Variants in NOA1 observed in about 807,000 individuals in gnomAD.
The protein encoded by NOA1 is nitric oxide-associated protein 1.
Under a neutral mutation model 58.4 loss-of-function variants are expected in NOA1, and 35 were observed. The ratio of observed to expected loss-of-function variants is 0.60; its 90% CI spans 0.46 to 0.79. NOA1 has a LOEUF of 0.79. NOA1 is among the 30% of genes least tolerant of loss of function. The pLI is 0.00. For synonymous variants in NOA1, 397 were observed against 373.4 expected (o/e 1.06, Z -0.73); for missense variants, 895 against 894.6 (o/e 1.00, Z -0.01).
chr4:56,977,355 G>GTA lies in NOA1; in HGVS notation c.229_230dup (p.Ile78ThrfsTer63). 2 of 1,614,218 alleles carry GTA rather than the reference G, an allele frequency of 1.2e-6. No homozygotes were observed. The highest frequency in any genetic ancestry group is 1.7e-6 in the Non-Finnish European group (2 of 1,180,044). The stretch of plus-strand genomic sequence containing the variant: ...TGGGTTGCGGCTCCGGATCCAGGAT[G>GTA]TACTCCGGGAACAGAAAACGCTCCT... On this transcript the variant is annotated frameshift_variant, in exon 1 of 7. Transcript: ENST00000264230. LOFTEE classifies it high-confidence loss of function.
Position 56,977,349 on chromosome 4 carries a change from C to T in NOA1, c.237G>A (p.Leu79=), listed in dbSNP as rs1560466707. 6.2e-7 allele frequency: 1 copy of T among 1,614,214 alleles called. No individual in the cohort carries two copies. Residue 79 remains leucine, a synonymous_variant, in exon 1 of 7, where the codon CTG becomes CTA. Transcript: ENST00000264230. ...QERFLFPEYI[L]DPEPQPTREK... ...CGCGGGTGGGTTGCGGCTCCGGATC[C>T]AGGATGTACTCCGGGAACAGAAAAC...
rs1418886735 is a variant in NOA1, at chr4:56,976,542, G to A, written c.1044C>T (p.Asn348=). ...TGTTAAAGAGAGTGGATTTGCCGGC[G>A]TTGGTGGCGCCCACTAAGTAGACGT... ...RGDVYLVGAT[N]AGKSTLFNTL... Residue 348 remains asparagine, a synonymous_variant, in exon 1 of 7, where the codon AAC becomes AAT. Transcript: ENST00000264230. 1.2e-6 allele frequency: 2 copies of A among 1,614,242 alleles called. No individual in the cohort carries two copies. Among genetic ancestry groups the A allele is most frequent in the Admixed American group, 1.7e-5 (1 of 60,028 alleles).
At chr4:56,971,340 AAG>A (rs1301777416) in intron 3 of NOA1, among the ~76,000 whole-genome samples, 26 of 145,338 alleles carry the variant, frequency 1.8e-4, no homozygotes, top group African/African-American at 6.2e-4. Context: ...AAAAAAAAAA[AAG>A]TATGGTGGGG....
At chr4:56,968,350 A>C (rs1199539900) in intron 4 of NOA1, 34 bp downstream of exon 4, 2 of 1,592,342 alleles carry the variant, frequency 1.3e-6, no homozygotes, top group Non-Finnish European at 8.5e-7. Flanking sequence ...CCAATATTTT[A>C]AAATCATTTT....
chr4:56,971,309 C>A (rs1382507259), intron 3 of NOA1, among the ~76,000 whole-genome samples: 3 of 109,644 alleles, frequency 2.7e-5, no homozygotes, highest in Non-Finnish European at 5.3e-5. Context: ...GAGTCAGACT[C>A]CATCTCAAAA....
rs543595209 is a variant in NOA1 at position 56,963,358 on chromosome 4, G to A, written c.*92C>T. 1.8e-6 allele frequency: 2 copies of A among 1,100,070 alleles called. No homozygotes were observed. The highest frequency in any genetic ancestry group is 3.2e-5 in the African/African-American group (2 of 63,114). The allele number at this position is 1,100,070 out of a possible 1,614,324, so 68.1% of individuals were successfully genotyped here. Reference sequence around the variant, plus strand: ...AAAAAAGAAAAAAAGGGTAAGAATGGGAGCTTTATTTATGCGTTATATGTT... The same window carrying A: ...AAAAAAGAAAAAAAGGGTAAGAATGAGAGCTTTATTTATGCGTTATATGTT... On this transcript the variant is annotated 3_prime_UTR_variant, in exon 7 of 7. Coordinates refer to ENST00000264230, the MANE Select transcript of NOA1 (RefSeq NM_032313.4).
chr4:56,965,659 G>C (rs1265401472), intron 5 of NOA1, among the ~76,000 whole-genome samples: 1 of 150,406 alleles, frequency 6.6e-6, no homozygotes, highest in Non-Finnish European at 1.5e-5. Context: ...AGGATGATGA[G>C]TTCGGGGAAC....
At chr4:56,970,962 T>C (rs1721800528) in intron 3 of NOA1, among the ~76,000 whole-genome samples, 1 of 152,198 alleles carries the variant, frequency 6.6e-6, no homozygotes, top group African/African-American at 2.4e-5. Context: ...GACACAACTA[T>C]TTAATAGAGG....
At chr4:56,965,782 T>C (rs1721691741) in intron 5 of NOA1, among the ~76,000 whole-genome samples, 1 of 151,236 alleles carries the variant, frequency 6.6e-6, no homozygotes, top group Non-Finnish European at 1.5e-5. Context: ...ATGTCACTAT[T>C]GGGCACTCAA....
chr4:56,976,406 C>G lies in NOA1; in HGVS notation c.1144+36G>C, dbSNP rs752647804. ...CGGCCAGGACCAGACGTCCACCTTG[C>G]CAGGAAACGAAGAGGGCGAGCCTCC... is the stretch of plus-strand genomic sequence containing the variant. On this transcript the variant is annotated intron_variant, in intron 1 of 6. Transcript: ENST00000264230. 91 of 1,574,926 alleles carry G rather than the reference C, an allele frequency of 5.8e-5. 1 individual carries two copies. The Middle Eastern group carries it at 8.6e-4, about 15-fold the overall frequency.
rs140387679 is a variant in NOA1 at position 56,970,523 on chromosome 4, C to T, written c.1516-2008G>A. Among the ~76,000 whole-genome samples, 5 of 151,454 alleles carry T rather than the reference C, an allele frequency of 3.3e-5. No individual in the cohort carries two copies. In the East Asian group the frequency reaches 8.0e-4, roughly 24 times the overall value. On this transcript the variant is annotated intron_variant, in intron 3 of 6. Transcript: ENST00000264230. ...AGGCTGGGCTGCAGTGGCATGATCTCGGCTCACTGCAACCTCTGCCTCCCA... is the reference window on the plus strand; with the variant it reads ...AGGCTGGGCTGCAGTGGCATGATCTTGGCTCACTGCAACCTCTGCCTCCCA...
intron 5 of NOA1, 91 bp downstream of exon 5, chr4:56,966,529 G>A: frequency 1.3e-6 from 1 of 779,920 alleles, no homozygotes; most frequent in East Asian, 2.5e-5. Context: ...TTGTATAACA[G>A]TTCTGTACAA....
Position 56,976,945 on chromosome 4 carries a change from G to C in NOA1, c.641C>G (p.Pro214Arg), listed in dbSNP as rs749319172. The change falls in exon 1 of 7, where the codon CCC becomes CGC. Residue 214 changes from proline to arginine, a missense_variant. Around this residue, in one of 3 missense-constraint regions of NOA1, gnomAD observed 680 missense variants for 656.5 expected, o/e 1.04. Coordinates refer to ENST00000264230, the MANE Select transcript of NOA1 (RefSeq NM_032313.4). ...LVSAALRRPG[P>R]SLVLYMVDLL... ...GTCCACCATGTAGAGCACCAGGGAGGGGCCGGGCCGCCGCAACGCGGCGCT... is the reference window on the plus strand; with the variant it reads ...GTCCACCATGTAGAGCACCAGGGAGCGGCCGGGCCGCCGCAACGCGGCGCT... The C allele has an allele frequency of 1.2e-6, 2 of 1,604,332 alleles. No individual in the cohort carries two copies. Among genetic ancestry groups the C allele is most frequent in the South Asian group, 1.1e-5 (1 of 90,962 alleles).
rs748222109 is a variant in NOA1 at position 56,973,238 on chromosome 4, G to A, written c.1425C>T (p.His475=). The change falls in exon 3 of 7, where the codon CAC becomes CAT. Residue 475 remains histidine, a synonymous_variant. Transcript: ENST00000264230. ...TCAATTCTACTTGTTTGGTGGATTT[G>A]TGTGTACCCATAACAGGGTCATTTT... The part of the protein sequence containing the change: ...DMENDPVMGT[H]KSTKQVELTA... The A allele has an allele frequency of 3.1e-6, 5 of 1,614,116 alleles. No homozygotes were observed. In the Admixed American group the frequency reaches 6.7e-5, roughly 22 times the overall value.
Position 56,963,540 on chromosome 4 carries a change from C to T in NOA1, c.2007G>A (p.Gln669=). ...LLPYIVNIKG[Q]RIKKSVAYKT... ...TATAGGCCACACTTTTCTTGATGCG[C>T]TGTCCTTTGATGTTAACAATATATG... The change falls in exon 7 of 7, where the codon CAG becomes CAA. Residue 669 remains glutamine (Q), a synonymous_variant. Transcript: ENST00000264230. 6.2e-7 allele frequency: 1 copy of T among 1,614,044 alleles called. No individual in the cohort carries two copies. The highest frequency in any genetic ancestry group is 1.3e-5 in the African/African-American group (1 of 75,008).
At chr4:56,965,414 G>T (rs899826075) in intron 5 of NOA1, among the ~76,000 whole-genome samples, 4 of 152,178 alleles carry the variant, frequency 2.6e-5, no homozygotes, top group Middle Eastern at 3.4e-3. Context: ...AAATCAAAGG[G>T]GTAGATAATA....
rs780725910 is a variant in NOA1 at position 56,976,650 on chromosome 4, G to T, written c.936C>A (p.Asp312Glu). ...PPNWSRTVVR[D>E]VRLISAKTGY... ...CGGTCTTGGCGCTGATCAGCCGCAC[G>T]TCCCTGACCACTGTGCGGGACCAGT... Residue 312 changes from aspartate to glutamate, a missense_variant, in exon 1 of 7, where the codon GAC becomes GAA. Asp to Glu is a conservative substitution (Grantham distance 45, BLOSUM62 2). This residue lies in a region of NOA1 where 680 missense variants were observed against 656.5 expected (regional missense o/e 1.04). Coordinates refer to ENST00000264230, the MANE Select transcript of NOA1 (RefSeq NM_032313.4). 5 of 1,614,110 alleles carry T rather than the reference G, an allele frequency of 3.1e-6. No homozygotes were observed. Among genetic ancestry groups the T allele is most frequent in the Non-Finnish European group, 2.5e-6 (3 of 1,179,950 alleles).
intron 1 of NOA1, among the ~76,000 whole-genome samples, chr4:56,974,370 G>A (rs1364034460): frequency 6.6e-6 from 1 of 152,208 alleles, no homozygotes; most frequent in African/African-American, 2.4e-5. Flanking sequence ...ATTTAAGCCT[G>A]GCTGAGCGTA....
chr4:56,973,148 A>G lies in NOA1; in HGVS notation c.1515T>C (p.Cys505=), dbSNP rs139601289. Reference sequence around the variant, plus strand: ...TTTCTAAAAGAAACCAAATACATACACAATTTTCTTTTGTAATTCCAGGGG... The same window carrying G: ...TTTCTAAAAGAAACCAAATACATACGCAATTTTCTTTTGTAATTCCAGGGG... The part of the protein sequence containing the change: ...YDTPGITKEN[C]ILNLLTEKEV... The change falls in exon 3 of 7, where the codon TGT becomes TGC. Residue 505 remains cysteine, a splice_region_variant and synonymous_variant. Coordinates refer to ENST00000264230, the MANE Select transcript of NOA1 (RefSeq NM_032313.4). The G allele has an allele frequency of 1.1e-4, 176 of 1,613,286 alleles. No homozygotes were observed. The African/African-American group carries it at 1.5e-3, about 14-fold the overall frequency.
Sources: gnomAD v4.1 joint callset for allele counts (sites outside exome capture counted in the v4.1 genomes callset) on GRCh38, gnomAD v4.1.1 for gene constraint, gnomAD v4.1.1 regional missense constraint, MANE v1.5 for transcripts, NCBI Gene and HGNC (gene_info 2026-07-23, HGNC 2026-07-21) for gene names.